The following TNN variants were observed in gnomAD, a reference collection of about 807,000 sequenced individuals.
TNN encodes tenascin-N.
A neutral mutation model predicts 134.4 loss-of-function variants in TNN; 122 were observed. The ratio of observed to expected loss-of-function variants is 0.91; its 90% CI spans 0.78 to 1.06. The LOEUF is 1.06. Among genes scored for constraint, TNN ranks in the 50% least tolerant of loss-of-function variants. TNN has a pLI of 0.00. For synonymous variants in TNN, 710 were observed against 670.3 expected, an observed-to-expected ratio of 1.06 and a Z score of -0.91; for missense variants, 1,739 against 1,699.4, an observed-to-expected ratio of 1.02 and a Z score of -0.41.
intron 7 of TNN, among the ~76,000 whole-genome samples, chr1:175,095,265 T>C (rs376748688): frequency 7.2e-5 from 11 of 152,330 alleles, no homozygotes; most frequent in South Asian, 6.2e-4. Flanking sequence ...CTGTTTAAAG[T>C]CAAAGTCAGC....
intron 10 of TNN, among the ~76,000 whole-genome samples, chr1:175,118,008 C>T (rs1487364324): frequency 6.6e-6 from 1 of 152,148 alleles, no homozygotes; most frequent in Non-Finnish European, 1.5e-5. Flanking sequence ...TTACTTTTTG[C>T]GGATTCCTTT....
chr1:175,069,947 T>G (rs1033441086), intron 1 of TNN, among the ~76,000 whole-genome samples: 3 of 152,242 alleles, frequency 2.0e-5, no homozygotes, highest in Non-Finnish European at 4.4e-5. Flanking sequence ...GTTTTTTGTT[T>G]TGTTTTGTTT....
Position 175,106,213 on chromosome 1 carries a change from C to T in TNN, c.2119+7618C>T, listed in dbSNP as rs1375597502. Among the ~76,000 whole-genome samples the T allele has an allele frequency of 2.7e-5, 4 of 145,606 alleles. 2 individuals are homozygous for T. In the East Asian group the frequency reaches 9.2e-4, roughly 33 times the overall value. ...CTCCTGTTAGTATTGGGACTTTACC[C>T]CATCCTATAAAGATGTTATGCCACA... On this transcript the variant is annotated intron_variant, in intron 9 of 18. Transcript: ENST00000239462.
chr1:175,118,052 G>A (rs762460285), intron 10 of TNN, among the ~76,000 whole-genome samples: 6 of 152,182 alleles, frequency 3.9e-5, no homozygotes, highest in Non-Finnish European at 7.3e-5. Flanking sequence ...CACGTGCCCT[G>A]CCCACTACTA....
intron 6 of TNN, among the ~76,000 whole-genome samples, chr1:175,087,324 C>T (rs935883681): frequency 1.3e-5 from 2 of 152,088 alleles, no homozygotes; most frequent in Non-Finnish European, 2.9e-5. Flanking sequence ...GAGCAGGTAG[C>T]GGGATAGTCA....
rs1414471868 is a variant in TNN at position 175,137,095 on chromosome 1, G to T, written c.3595+107G>T. On this transcript the variant is annotated intron_variant, in intron 17 of 18. Transcript: ENST00000239462. ...GGGGATGGAATATTATTCTGTGGAGGTGAATTGTTCTCATTGACAGTGGAG... is the reference window on the plus strand; with the variant it reads ...GGGGATGGAATATTATTCTGTGGAGTTGAATTGTTCTCATTGACAGTGGAG... The T allele has an allele frequency of 4.1e-6, 5 of 1,233,012 alleles. No homozygotes were observed. The African/African-American group carries it at 7.5e-5, about 18-fold the overall frequency. 76.4% of individuals were successfully genotyped at this position (1,233,012 alleles called of 1,614,324 possible).
rs74900113 is a variant in TNN at position 175,121,499 on chromosome 1, T to G, written c.2651-1901T>G. ...GCTATACTTATTAATACTAGAAGAG[T>G]GATATGATGCAGTGTTCATTTAAAA... is the stretch of plus-strand genomic sequence containing the variant. On this transcript the variant is annotated intron_variant, in intron 11 of 18. Coordinates refer to ENST00000239462, the MANE Select transcript of TNN (RefSeq NM_022093.2). Among the ~76,000 whole-genome samples, 1,335 of 152,038 alleles carry G rather than the reference T, an allele frequency of 8.8e-3. 17 individuals carry two copies. The highest frequency in any genetic ancestry group is 0.031 in the African/African-American group (1,277 of 41,432).
chr1:175,140,069 CACT>C (rs1558376100), intron 17 of TNN, among the ~76,000 whole-genome samples: 1 of 152,220 alleles, frequency 6.6e-6, no homozygotes. Flanking sequence ...TGACTAAGCA[CACT>C]GTCCATATCC....
intron 6 of TNN, among the ~76,000 whole-genome samples, chr1:175,092,286 G>A (rs765719468): frequency 1.3e-5 from 2 of 152,152 alleles, no homozygotes; most frequent in Non-Finnish European, 2.9e-5. Flanking sequence ...TTCCTTGACT[G>A]TCCTCTTACA....
At chr1:175,092,022 C>T (rs1309052255) in intron 6 of TNN, among the ~76,000 whole-genome samples, 1 of 152,166 alleles carries the variant, frequency 6.6e-6, no homozygotes, top group East Asian at 1.9e-4. Flanking sequence ...CTGCTGGGAC[C>T]TGGGGTTGTA....
Position 175,079,416 on chromosome 1 carries a change from G to A in TNN, c.493G>A (p.Ala165Thr), listed in dbSNP as rs749137959. ...CHCEEGREGPACERLACPGAC... is the reference protein window; with the variant it reads ...CHCEEGREGPTCERLACPGAC... ...CTGCGAAGAGGGCAGGGAGGGCCCCGCCTGCGAGCGGCTGGCCTGCCCCGG... is the reference window on the plus strand; with the variant it reads ...CTGCGAAGAGGGCAGGGAGGGCCCCACCTGCGAGCGGCTGGCCTGCCCCGG... Residue 165 changes from alanine to threonine, a missense_variant, in exon 3 of 19, where the codon GCC becomes ACC. Ala to Thr is a moderately conservative substitution (Grantham distance 58). Transcript: ENST00000239462. 4 of 1,589,156 alleles carry A rather than the reference G, an allele frequency of 2.5e-6. No individual in the cohort carries two copies. The highest frequency in any genetic ancestry group is 3.4e-6 in the Non-Finnish European group (4 of 1,171,412).
intron 9 of TNN, among the ~76,000 whole-genome samples, chr1:175,104,233 C>T (rs946630014): frequency 6.9e-5 from 10 of 145,452 alleles, no homozygotes; most frequent in Admixed American, 1.4e-4. Flanking sequence ...CTGAGAAGGC[C>T]GCGCCAGTAT....
rs971546912 is a variant in TNN at position 175,103,426 on chromosome 1, G to A, written c.2119+4831G>A. The stretch of plus-strand genomic sequence containing the variant: ...TCACTGCTGCCAAAGAGTCTATTTG[G>A]GATTGTAAAGTAAGGATAGATTTCA... On this transcript the variant is annotated intron_variant, in intron 9 of 18. Transcript: ENST00000239462. 2.7e-5 allele frequency among the ~76,000 whole-genome samples: 4 copies of A among 145,816 alleles called. 1 individual carries two copies. Among genetic ancestry groups the A allele is most frequent in the Non-Finnish European group, 6.1e-5 (4 of 65,730 alleles).
At chr1:175,072,308 G>A (rs543727606) in intron 1 of TNN, among the ~76,000 whole-genome samples, 45 of 152,296 alleles carry the variant, frequency 3.0e-4, no homozygotes, top group Non-Finnish European at 5.7e-4. Context: ...ACCAGCCTCT[G>A]TAAGACAATG....
chr1:175,097,272 T>A (rs1318144050), intron 7 of TNN, 145 bp from the exon 8 acceptor site: 2 of 1,049,238 alleles, frequency 1.9e-6, no homozygotes, highest in Non-Finnish European at 2.8e-6. Context: ...ACCATTTGCT[T>A]AATTAGACCT....
At chr1:175,118,285 C>T (rs1558365644) in intron 10 of TNN, among the ~76,000 whole-genome samples, 1 of 152,010 alleles carries the variant, frequency 6.6e-6, no homozygotes, top group Admixed American at 6.5e-5. Flanking sequence ...CTTGATATAC[C>T]CTTACTAGAT....
chr1:175,081,906 A>C (rs1674205364), intron 4 of TNN, among the ~76,000 whole-genome samples: 1 of 152,216 alleles, frequency 6.6e-6, no homozygotes, highest in South Asian at 2.1e-4. Context: ...TGATTGTAAC[A>C]GAAGTGGCCA....
At chr1:175,072,837 G>A (rs1168501152) in intron 1 of TNN, among the ~76,000 whole-genome samples, 1 of 151,730 alleles carries the variant, frequency 6.6e-6, no homozygotes, top group Non-Finnish European at 1.5e-5. Flanking sequence ...AGGGACTTGT[G>A]GGAGTTCTCA....
At chr1:175,080,965 G>A (rs1005933338) in intron 4 of TNN, among the ~76,000 whole-genome samples, 7 of 152,236 alleles carry the variant, frequency 4.6e-5, no homozygotes, top group Admixed American at 2.6e-4. Flanking sequence ...AGGGATAGAT[G>A]TTGGTACTTG....
Sources: gnomAD v4.1 joint callset for allele counts (sites outside exome capture counted in the v4.1 genomes callset) on GRCh38, gnomAD v4.1.1 for gene constraint, MANE v1.5 for transcripts, NCBI Gene and HGNC (gene_info 2026-07-23, HGNC 2026-07-21) for gene names.